Variants in GLT6D1 observed in about 807,000 individuals in gnomAD.
GLT6D1 encodes the protein glycosyltransferase 6 domain containing 1.
A neutral mutation model predicts 12.3 loss-of-function variants in GLT6D1; 9 were observed. That is an observed-to-expected ratio of 0.73 (90% confidence interval 0.44 to 1.27). The LOEUF (loss-of-function observed/expected upper bound fraction) is 1.27. Among genes scored for constraint, GLT6D1 ranks in the 50% most tolerant of loss-of-function variants. GLT6D1 has a pLI of 0.00. For synonymous variants in GLT6D1, 128 were observed against 132.3 expected, an observed-to-expected ratio of 0.97 and a Z score of 0.23; for missense variants, 335 against 346.2, an observed-to-expected ratio of 0.97 and a Z score of 0.26.
chr9:135,638,233 T>C (rs1311491582), intron 2 of GLT6D1, among the ~76,000 whole-genome samples: 1 of 152,156 alleles, frequency 6.6e-6, no homozygotes, highest in African/African-American at 2.4e-5. Context: ...GAGAATAGCA[T>C]GGGAAAGACC....
intron 3 of GLT6D1, 101 bp from the exon 4 acceptor site, chr9:135,626,307 G>A (rs1449667220): frequency 9.5e-6 from 12 of 1,262,094 alleles, no homozygotes; most frequent in African/African-American, 5.9e-5. Context: ...CCTAGTGCGC[G>A]CCCAGCTCCG....
At chr9:135,640,997 G>A (rs955937402), upstream of GLT6D1, among the ~76,000 whole-genome samples, 1 of 152,176 alleles carries the variant, frequency 6.6e-6, no homozygotes, top group African/African-American at 2.4e-5. Flanking sequence ...TTGATGAGCT[G>A]CCTGTCTGTC....
At position 135,626,165 on chromosome 9, in the gene GLT6D1, G is replaced by T. The variant is rs765398912; in HGVS notation, c.161C>A (p.Pro54His). ...DVITKTDWLA[P>H]VLWEGTFDRR... is the part of the protein sequence containing the mutation. ...GTCGAAAGTCCCTTCCCATAGGACA[G>T]GAGCGAGCCAGTCTGTTTTCGTTAT... is the stretch of plus-strand genomic sequence containing the variant. Residue 54 changes from proline (P) to histidine (H), a missense_variant, in exon 4 of 5, where the codon CCT (proline) becomes CAT (histidine). Physicochemically the swap from Pro to His is moderately conservative, Grantham distance 77. Transcript: ENST00000371763. The T allele has an allele frequency of 2.5e-6, 4 of 1,614,078 alleles. No individual in the cohort carries two copies. In the South Asian group the frequency reaches 4.4e-5, roughly 18 times the overall value.
At position 135,624,368 on chromosome 9, in the gene GLT6D1, AG is replaced by A; in HGVS notation, c.559del (p.Leu187TrpfsTer44). The A allele has an allele frequency of 6.2e-7, 1 of 1,614,162 alleles. No individual in the cohort carries two copies. Among genetic ancestry groups the A allele is most frequent in the Non-Finnish European group, 8.5e-7 (1 of 1,180,030 alleles). On this transcript the variant is annotated frameshift_variant, in exon 5 of 5. Transcript: ENST00000371763. LOFTEE classifies it low-confidence loss of function (END_TRUNC). ...GTGGAGCTGGGCCACCAACGGGCCC[AG>A]GGTCTCCACCCCGAACTCATTCTGG... ...VFQNEFGVET[L>X]GPLVAQLHAW... is the part of the protein sequence containing the mutation.
At chr9:135,624,718 T>C in intron 4 of GLT6D1, 48 bp from the exon 5 acceptor site, 1 of 1,057,494 alleles carries the variant, frequency 9.5e-7, no homozygotes, top group Non-Finnish European at 1.3e-6. Context: ...CTTTTTTCTT[T>C]TCTTTCTTTT....
At chr9:135,628,394 C>T (rs1833565304) in intron 3 of GLT6D1, among the ~76,000 whole-genome samples, 1 of 152,128 alleles carries the variant, frequency 6.6e-6, no homozygotes, top group Middle Eastern at 3.4e-3. Flanking sequence ...AATTGATTTT[C>T]ATACATTGAA....
intron 2 of GLT6D1, among the ~76,000 whole-genome samples, chr9:135,638,645 A>G (rs1046050267): frequency 4.6e-5 from 7 of 152,222 alleles, no homozygotes; most frequent in African/African-American, 1.2e-4. Flanking sequence ...CACTTTCATT[A>G]TCACTGCATC....
chr9:135,633,989 G>A (rs1403752213), intron 2 of GLT6D1, among the ~76,000 whole-genome samples: 1 of 152,140 alleles, frequency 6.6e-6, no homozygotes, highest in African/African-American at 2.4e-5. Context: ...TCCCCTTTCT[G>A]CTGAAGATTA....
intron 4 of GLT6D1, 54 bp from the exon 5 acceptor site, chr9:135,624,724 C>CTTTTTTTTTTT (rs72471205): frequency 4.1e-5 from 23 of 565,536 alleles, no homozygotes; most frequent in African/African-American, 1.3e-4. Context: ...TCTTTTCTTT[C>CTTTTTTTTTTT]TTTTTTTTTT....
At chr9:135,626,655 C>A (rs1006591731) in intron 3 of GLT6D1, among the ~76,000 whole-genome samples, 1 of 152,114 alleles carries the variant, frequency 6.6e-6, no homozygotes, top group Admixed American at 6.5e-5. Context: ...CTTTATTTTT[C>A]CCTCCTTCTC....
intron 3 of GLT6D1, among the ~76,000 whole-genome samples, chr9:135,629,328 A>G (rs772819267): frequency 2.0e-5 from 3 of 152,148 alleles, no homozygotes; most frequent in Non-Finnish European, 4.4e-5. Flanking sequence ...TTTATTTTCA[A>G]TCACCTTAAA....
At chr9:135,633,346 T>C (rs1409132594) in intron 2 of GLT6D1, among the ~76,000 whole-genome samples, 1 of 152,124 alleles carries the variant, frequency 6.6e-6, no homozygotes, top group Non-Finnish European at 1.5e-5. Flanking sequence ...ACCTCCCGGG[T>C]TTAAGCAATT....
chr9:135,631,749 A>G (rs559321465), intron 2 of GLT6D1, among the ~76,000 whole-genome samples: 6 of 152,262 alleles, frequency 3.9e-5, no homozygotes, highest in African/African-American at 1.4e-4. Flanking sequence ...ATAAAAGGAG[A>G]TGAACAGATC....
At chr9:135,628,832 T>C (rs1351808948) in intron 3 of GLT6D1, among the ~76,000 whole-genome samples, 3 of 152,074 alleles carry the variant, frequency 2.0e-5, no homozygotes, top group Non-Finnish European at 4.4e-5. Flanking sequence ...ATAGGTTATT[T>C]AATTTGTTGG....
upstream of GLT6D1, among the ~76,000 whole-genome samples, chr9:135,639,900 G>T (rs1000992828): frequency 2.7e-5 from 4 of 147,128 alleles, no homozygotes; most frequent in African/African-American, 1.0e-4. Context: ...CTGGAGTGCA[G>T]TGGCACAATC....
chr9:135,626,815 A>G (rs1266359793), intron 3 of GLT6D1, among the ~76,000 whole-genome samples: 2 of 152,214 alleles, frequency 1.3e-5, no homozygotes, highest in Non-Finnish European at 2.9e-5. Flanking sequence ...TTTGCCTTCA[A>G]TACAACAAAA....
rs1833424940 is a variant in GLT6D1 at position 135,624,160 on chromosome 9, A to C, written c.768T>G (p.Asn256Lys). The C allele has an allele frequency of 2.5e-6, 4 of 1,613,616 alleles. No individual in the cohort carries two copies. In the South Asian group the frequency reaches 3.3e-5, roughly 13 times the overall value. Residue 256 changes from asparagine to lysine, a missense_variant, in exon 5 of 5, where the codon AAT (asparagine) becomes AAG (lysine). Physicochemically the swap from Asn to Lys is moderately conservative, Grantham distance 94. Coordinates refer to ENST00000371763, the MANE Select transcript of GLT6D1 (RefSeq NM_182974.3). ...YLNGVIHDIK[N>K]GLNSTYEKHL... ...GCTTTTCATAAGTGCTATTGAGTCC[A>C]TTTTTGATGTCATGAATAACTCCGT... is the stretch of plus-strand genomic sequence containing the variant.
rs150445650 is a variant in GLT6D1, at chr9:135,624,193, T to C, written c.735A>G (p.Glu245=). 1.1e-4 allele frequency: 180 copies of C among 1,612,308 alleles called. 1 individual carries two copies. In the African/African-American group the frequency reaches 1.9e-3, roughly 17 times the overall value. ...TGTCATGAATAACTCCGTTCAGATA[T>C]TCTTTGATGAAGTCTAAAATATTAT... ...TPHNILDFIK[E]YLNGVIHDIK... is the part of the protein sequence containing the mutation. The change falls in exon 5 of 5, where the codon GAA becomes GAG. Residue 245 remains glutamate (E), a synonymous_variant. Transcript: ENST00000371763.
chr9:135,628,985 G>A (rs1182545329), intron 3 of GLT6D1, among the ~76,000 whole-genome samples: 1 of 151,882 alleles, frequency 6.6e-6, no homozygotes, highest in Non-Finnish European at 1.5e-5. Context: ...TGGCAAATTT[G>A]TTTATCTTTT....
Sources: gnomAD v4.1 joint callset for allele counts (sites outside exome capture counted in the v4.1 genomes callset) on GRCh38, gnomAD v4.1.1 for gene constraint, MANE v1.5 for transcripts, NCBI Gene and HGNC (gene_info 2026-07-23, HGNC 2026-07-21) for gene names.